The following ZFP82 variants were observed in gnomAD, a reference collection of about 807,000 sequenced individuals.
ZFP82 encodes the protein zinc finger protein 82 homolog.
Under a neutral mutation model 54.0 loss-of-function variants are expected in ZFP82, and 30 were observed. The ratio of observed to expected loss-of-function variants is 0.56; its 90% CI spans 0.42 to 0.75. The LOEUF (loss-of-function observed/expected upper bound fraction) is 0.75. ZFP82 is among the 30% of genes least tolerant of loss of function. The probability of loss-of-function intolerance (pLI) is 0.00; values close to 1 mark genes in which losing one functional copy is unlikely to be tolerated. For synonymous variants in ZFP82, 194 were observed against 209.5 expected (o/e 0.93, Z 0.64); for missense variants, 500 against 636.8 (o/e 0.79, Z 2.31).
rs1164202499 is a variant in ZFP82, at chr19:36,390,423, C to T, written c.*2318G>A. On this transcript the variant is annotated 3_prime_UTR_variant, in exon 5 of 5. Coordinates refer to ENST00000392161, the MANE Select transcript of ZFP82 (RefSeq NM_133466.4). ...AAATTGTGCATTTGGTTGTTTGCTT[C>T]TTTGTGTTGTTAATTTGTTCTTTTA... 1 of 138,076 alleles carries T rather than the reference C, an allele frequency of 7.2e-6. No individual in the cohort carries two copies. The highest frequency in any genetic ancestry group is 1.5e-5 in the Non-Finnish European group (1 of 64,880). 8.6% of individuals were successfully genotyped at this position (138,076 alleles called of 1,614,324 possible).
At position 36,393,926 on chromosome 19, in the gene ZFP82, G is replaced by C. The variant is rs1211085480; in HGVS notation, c.414C>G (p.Phe138Leu). 3.1e-6 allele frequency: 5 copies of C among 1,614,020 alleles called. No homozygotes were observed. The African/African-American group carries it at 6.7e-5, about 22-fold the overall frequency. Residue 138 changes from phenylalanine to leucine, a missense_variant, in exon 5 of 5, where the codon TTC becomes TTG. By Grantham distance (22) the Phe-to-Leu change is conservative. Coordinates refer to ENST00000392161, the MANE Select transcript of ZFP82 (RefSeq NM_133466.4). The part of the protein sequence containing the change: ...EGQERPQEGY[F>L]SSVKMPSEKV... ...TTTCAGATGGCATTTTCACACTACT[G>C]AAGTATCCTTCTTGAGGTCTCTCCT... is the stretch of plus-strand genomic sequence containing the variant.
chr19:36,389,329 C>T lies in ZFP82; in HGVS notation c.*3412G>A, dbSNP rs912811802. Reference sequence around the variant, plus strand: ...CTGCGATTACAGGCATGAGCCACCACGCCTGGCCCAAACTTGATTTTCTAC... The same window carrying T: ...CTGCGATTACAGGCATGAGCCACCATGCCTGGCCCAAACTTGATTTTCTAC... On this transcript the variant is annotated 3_prime_UTR_variant, in exon 5 of 5. Coordinates refer to ENST00000392161, the MANE Select transcript of ZFP82 (RefSeq NM_133466.4). Among the ~76,000 whole-genome samples, 17 of 152,076 alleles carry T rather than the reference C, an allele frequency of 1.1e-4. No homozygotes were observed. The highest frequency in any genetic ancestry group is 3.6e-4 in the African/African-American group (15 of 41,406).
intron 4 of ZFP82, among the ~76,000 whole-genome samples, chr19:36,396,515 G>A (rs1400795803): frequency 6.6e-6 from 1 of 152,066 alleles, no homozygotes; most frequent in Admixed American, 6.5e-5. Flanking sequence ...AATGAGCTGG[G>A]CGGGGTGTCA....
intron 1 of ZFP82, among the ~76,000 whole-genome samples, chr19:36,412,850 A>G (rs939682135): frequency 6.6e-6 from 1 of 152,222 alleles, no homozygotes; most frequent in African/African-American, 2.4e-5. Context: ...AAGCCATGCC[A>G]CCTGAATTCT....
At chr19:36,397,959 T>A (rs1255205571) in intron 4 of ZFP82, among the ~76,000 whole-genome samples, 1 of 152,110 alleles carries the variant, frequency 6.6e-6, no homozygotes, top group Non-Finnish European at 1.5e-5. Context: ...TAATAAAATG[T>A]TTATATAGAT....
intron 4 of ZFP82, chr19:36,395,834 T>C (rs1383876858): frequency 3.3e-5 from 5 of 152,150 alleles, no homozygotes; most frequent in Admixed American, 1.3e-4. Context: ...TTCAAAAGTC[T>C]ATATTAAATA....
intron 2 of ZFP82, among the ~76,000 whole-genome samples, chr19:36,408,840 G>A (rs1039166984): frequency 6.6e-6 from 1 of 151,872 alleles, no homozygotes; most frequent in African/African-American, 2.4e-5. Flanking sequence ...ACAAAAATTG[G>A]TTATATAATA....
At chr19:36,383,890 A>C (rs1197635943), downstream of ZFP82, 1 of 152,188 alleles carries the variant, frequency 6.6e-6, no homozygotes, top group Non-Finnish European at 1.5e-5. Flanking sequence ...CAAAGACATA[A>C]ATTGGCAAGT....
chr19:36,397,533 T>C (rs1218449149), intron 4 of ZFP82, among the ~76,000 whole-genome samples: 1 of 152,002 alleles, frequency 6.6e-6, no homozygotes, highest in African/African-American at 2.4e-5. Context: ...GCTAATAAAT[T>C]TGAAAACACA....
downstream of ZFP82, among the ~76,000 whole-genome samples, chr19:36,386,760 A>C (rs2032120136): frequency 6.6e-6 from 1 of 152,198 alleles, no homozygotes; most frequent in African/African-American, 2.4e-5. Flanking sequence ...AACATGGTGA[A>C]ACCCCATCTC....
intron 1 of ZFP82, among the ~76,000 whole-genome samples, chr19:36,417,768 G>A (rs1429707822): frequency 6.6e-6 from 1 of 152,198 alleles, no homozygotes; most frequent in Admixed American, 6.5e-5. Flanking sequence ...CTTCCTGGAA[G>A]CAATGCTGTG....
intron 4 of ZFP82, among the ~76,000 whole-genome samples, chr19:36,400,309 T>A (rs1438428213): frequency 6.6e-6 from 1 of 152,246 alleles, no homozygotes; most frequent in Non-Finnish European, 1.5e-5. Flanking sequence ...GTATCAACCA[T>A]CTTACTTTGT....
At chr19:36,400,393 T>G (rs551695898) in intron 4 of ZFP82, among the ~76,000 whole-genome samples, 2 of 152,198 alleles carry the variant, frequency 1.3e-5, no homozygotes, top group South Asian at 4.1e-4. Flanking sequence ...ACAGGGATAA[T>G]GTACAAAGAT....
chr19:36,404,129 T>G (rs908379389), intron 4 of ZFP82, among the ~76,000 whole-genome samples: 1 of 152,162 alleles, frequency 6.6e-6, no homozygotes, highest in African/African-American at 2.4e-5. Context: ...ACCACTATAT[T>G]GATAGTGTCT....
At chr19:36,408,732 C>T (rs528102953) in intron 2 of ZFP82, among the ~76,000 whole-genome samples, 65 of 152,070 alleles carry the variant, frequency 4.3e-4, no homozygotes, top group African/African-American at 1.5e-3. Context: ...GCAGGAGAAT[C>T]GCTTGAATCC....
chr19:36,409,987 A>ACG (rs2032549978), intron 1 of ZFP82, 120 bp from the exon 2 acceptor site: 2 of 570,068 alleles, frequency 3.5e-6, no homozygotes, highest in Admixed American at 3.0e-5. Context: ...TCCAACACAC[A>ACG]CGCGCGCACA....
chr19:36,411,864 CAA>C (rs58166953), intron 1 of ZFP82, among the ~76,000 whole-genome samples: 10 of 119,258 alleles, frequency 8.4e-5, no homozygotes, highest in Admixed American at 8.9e-5. Context: ...GACCCCGTCT[CAA>C]AAAAAAAAAA....
chr19:36,409,650 C>G (rs551572195), intron 2 of ZFP82, 131 bp downstream of exon 2: 1 of 903,666 alleles, frequency 1.1e-6, no homozygotes, highest in South Asian at 1.5e-5. Flanking sequence ...TTGTGGTTCA[C>G]CCGCCACTGG....
intron 2 of ZFP82, among the ~76,000 whole-genome samples, chr19:36,408,408 C>T (rs2032521417): frequency 6.6e-6 from 1 of 152,080 alleles, no homozygotes; most frequent in Non-Finnish European, 1.5e-5. Context: ...TTTAAAGTCT[C>T]CCTCCCTACA....
Sources: allele counts gnomAD v4.1 joint callset (sites outside exome capture counted in the v4.1 genomes callset), GRCh38; gene constraint gnomAD v4.1.1; transcripts MANE v1.5; gene names NCBI Gene and HGNC (gene_info 2026-07-23, HGNC 2026-07-21).